KCNK10: variants seen among roughly 807,000 people sequenced by gnomAD.
KCNK10 encodes potassium two pore domain channel subfamily K member 10, also known as potassium channel subfamily K member 10.
KCNK10 carries 25 observed loss-of-function variants against 47.7 expected under a neutral mutation model. The observed-to-expected ratio is 0.52, with a 90% CI of 0.38 to 0.73. The LOEUF (loss-of-function observed/expected upper bound fraction) is 0.73, where lower values mean the gene tolerates loss of function less well. Among genes scored for constraint, KCNK10 ranks in the 30% least tolerant of loss-of-function variants. The pLI is 0.00. For synonymous variants in KCNK10, 303 were observed against 285.6 expected (o/e 1.06, Z -0.61); for missense variants, 563 against 714.5 (o/e 0.79, Z 2.42).
At chr14:88,225,832 C>T (rs574244015) in intron 4 of KCNK10, among the ~76,000 whole-genome samples, 1 of 152,310 alleles carries the variant, frequency 6.6e-6, no homozygotes, top group Admixed American at 6.5e-5. Flanking sequence ...TTCTTGGAGA[C>T]AGGGCTGCTA....
chr14:88,320,853 C>CTATA (rs1455729911), intron 1 of KCNK10, among the ~76,000 whole-genome samples: 1 of 152,202 alleles, frequency 6.6e-6, no homozygotes, highest in East Asian at 1.9e-4. Context: ...TAGATAAATA[C>CTATA]TATACTCTTC....
chr14:88,234,146 C>T (rs1886230686), intron 3 of KCNK10, among the ~76,000 whole-genome samples: 1 of 152,188 alleles, frequency 6.6e-6, no homozygotes. Flanking sequence ...TGCCCGTATA[C>T]TAAATGGTGT....
At chr14:88,238,439 G>T (rs1205004565) in intron 3 of KCNK10, among the ~76,000 whole-genome samples, 2 of 152,218 alleles carry the variant, frequency 1.3e-5, no homozygotes, top group Non-Finnish European at 2.9e-5. Context: ...GGGAGGCCAA[G>T]GTGGGTGGAT....
chr14:88,309,007 G>C (rs971296738), intron 1 of KCNK10, among the ~76,000 whole-genome samples: 1 of 152,222 alleles, frequency 6.6e-6, no homozygotes, highest in Non-Finnish European at 1.5e-5. Context: ...AAGTTGACCT[G>C]AGTGTGAGAG....
intron 4 of KCNK10, among the ~76,000 whole-genome samples, chr14:88,223,217 G>A (rs1248073371): frequency 1.3e-5 from 2 of 151,972 alleles, no homozygotes; most frequent in African/African-American, 4.8e-5. Context: ...GTCCAACCTT[G>A]GACTGGCATC....
intron 1 of KCNK10, among the ~76,000 whole-genome samples, chr14:88,281,381 T>C (rs145425556): frequency 3.2e-4 from 48 of 152,304 alleles, no homozygotes; most frequent in Non-Finnish European, 6.6e-4. Flanking sequence ...GTGAGGGTGC[T>C]TTCTGATGGG....
At chr14:88,206,051 T>A (rs1404060591) in intron 4 of KCNK10, among the ~76,000 whole-genome samples, 1 of 152,222 alleles carries the variant, frequency 6.6e-6, no homozygotes, top group East Asian at 1.9e-4. Context: ...ATGCATATAA[T>A]AAATATTTGT....
At chr14:88,203,489 C>A (rs1056659658) in intron 4 of KCNK10, among the ~76,000 whole-genome samples, 1 of 152,232 alleles carries the variant, frequency 6.6e-6, no homozygotes, top group African/African-American at 2.4e-5. Context: ...CACCCTGGAA[C>A]AGGCCTGGAA....
chr14:88,188,218 C>T (rs1884636035), intron 5 of KCNK10, 109 bp from the exon 6 acceptor site: 2 of 1,326,856 alleles, frequency 1.5e-6, no homozygotes, highest in African/African-American at 1.4e-5. Context: ...GTTTAACACT[C>T]AGCTGTTAGG....
chr14:88,207,168 CTTTTTTTTTT>C (rs55711197), intron 4 of KCNK10, among the ~76,000 whole-genome samples: 1 of 107,750 alleles, frequency 9.3e-6, no homozygotes, highest in Non-Finnish European at 1.8e-5. Flanking sequence ...AGGTCACTCT[CTTTTTTTTTT>C]TTTTTTTTTT....
chr14:88,304,635 T>C (rs1888170449), intron 1 of KCNK10, among the ~76,000 whole-genome samples: 1 of 152,218 alleles, frequency 6.6e-6, no homozygotes, highest in African/African-American at 2.4e-5. Flanking sequence ...ATCTATTTAG[T>C]GCCATGTTTT....
chr14:88,188,252 G>A lies in KCNK10; in HGVS notation c.869-143C>T. The A allele has an allele frequency of 7.0e-6, 7 of 993,166 alleles. No individual in the cohort carries two copies. The South Asian group carries it at 9.6e-5, about 14-fold the overall frequency. 61.5% of individuals were successfully genotyped at this position (993,166 alleles called of 1,614,324 possible). On this transcript the variant is annotated intron_variant, in intron 5 of 6. Transcript: ENST00000319231. ...GGTTTGCTGTGTACAAGGTGGACCG[G>A]GGTTAGAGGGCAAGGGGGGTACCCA...
chr14:88,290,694 T>C (rs1027466726), intron 1 of KCNK10, among the ~76,000 whole-genome samples: 18 of 152,242 alleles, frequency 1.2e-4, no homozygotes. Flanking sequence ...AGCTCTCTAC[T>C]ATGTGCAAAG....
intron 4 of KCNK10, among the ~76,000 whole-genome samples, chr14:88,209,292 C>G (rs1371340970): frequency 6.6e-6 from 1 of 152,192 alleles, no homozygotes; most frequent in Non-Finnish European, 1.5e-5. Context: ...GAGAGGCAGT[C>G]AGCATGTAGC....
upstream of KCNK10, chr14:88,323,653 G>A (rs189094982): frequency 1.3e-5 from 2 of 150,760 alleles, no homozygotes; most frequent in African/African-American, 2.4e-5. Flanking sequence ...TTACTGGCTC[G>A]GCCGGCCGGC....
chr14:88,312,524 C>A (rs1888347411), intron 1 of KCNK10, among the ~76,000 whole-genome samples: 1 of 152,192 alleles, frequency 6.6e-6, no homozygotes, highest in Admixed American at 6.5e-5. Context: ...CCCCATTCCC[C>A]AGCATTTCTA....
chr14:88,220,783 T>C (rs986513254), intron 4 of KCNK10, among the ~76,000 whole-genome samples: 1 of 152,018 alleles, frequency 6.6e-6, no homozygotes, highest in Non-Finnish European at 1.5e-5. Context: ...GGAAGAAATC[T>C]ACATGACCTT....
At chr14:88,197,654 A>G (rs1043885420) in intron 4 of KCNK10, among the ~76,000 whole-genome samples, 12 of 145,772 alleles carry the variant, frequency 8.2e-5, no homozygotes, top group African/African-American at 2.5e-4. Context: ...AAAATTTTCA[A>G]AAGTTTTCTA....
intron 5 of KCNK10, among the ~76,000 whole-genome samples, chr14:88,191,265 A>C (rs1884737837): frequency 7.0e-6 from 1 of 142,324 alleles, no homozygotes; most frequent in Non-Finnish European, 1.6e-5. Context: ...AAACAAAAAC[A>C]AAAACAAAAA....
Sources: gnomAD v4.1 joint callset for allele counts (sites outside exome capture counted in the v4.1 genomes callset) on GRCh38, gnomAD v4.1.1 for gene constraint, MANE v1.5 for transcripts, NCBI Gene and HGNC (gene_info 2026-07-23, HGNC 2026-07-21) for gene names.